ZNF521: variants seen among roughly 807,000 people sequenced by gnomAD.
The protein encoded by ZNF521 is zinc finger protein 521, also known as LYST-interacting protein 3.
A neutral mutation model predicts 105.5 loss-of-function variants in ZNF521; 14 were observed. That is an observed-to-expected ratio of 0.13 (90% confidence interval 0.09 to 0.21). The LOEUF (loss-of-function observed/expected upper bound fraction) is 0.21, where lower values mean the gene tolerates loss of function less well. Among genes scored for constraint, ZNF521 ranks in the 10% least tolerant of loss-of-function variants. The probability of loss-of-function intolerance (pLI) is 1.00; values close to 1 mark genes in which losing one functional copy is unlikely to be tolerated. For synonymous variants in ZNF521, 635 were observed against 606.0 expected (o/e 1.05, Z -0.70); for missense variants, 1,233 against 1,629.7 (o/e 0.76, Z 4.19).
chr18:25,190,038 T>C (rs1440627943), intron 5 of ZNF521, among the ~76,000 whole-genome samples: 1 of 152,182 alleles, frequency 6.6e-6, no homozygotes, highest in East Asian at 1.9e-4. Context: ...AAAGAGAAAG[T>C]ATCCCTTTTG....
chr18:25,241,612 A>G (rs1018535149), intron 3 of ZNF521, among the ~76,000 whole-genome samples: 3 of 152,170 alleles, frequency 2.0e-5, no homozygotes, highest in Non-Finnish European at 4.4e-5. Context: ...CCAAACCATA[A>G]AACTCTTCTA....
intron 3 of ZNF521, among the ~76,000 whole-genome samples, chr18:25,242,299 G>C (rs780996596): frequency 6.6e-6 from 1 of 152,094 alleles, no homozygotes; most frequent in Non-Finnish European, 1.5e-5. Flanking sequence ...ATTTTTCTGA[G>C]GTTCTCAAAC....
At chr18:25,176,215 C>T (rs2035532300) in intron 5 of ZNF521, among the ~76,000 whole-genome samples, 1 of 152,074 alleles carries the variant, frequency 6.6e-6, no homozygotes, top group Non-Finnish European at 1.5e-5. Flanking sequence ...CACAATAAAC[C>T]CCATAATGCA....
rs146058536 is a variant in ZNF521 at position 25,139,407 on chromosome 18, A to ATAAGCCTT, written c.3659-47334_3659-47327dup. Among the ~76,000 whole-genome samples, 1,366 of 142,856 alleles carry ATAAGCCTT rather than the reference A, an allele frequency of 9.6e-3. 24 individuals carry two copies. The highest frequency in any genetic ancestry group is 0.033 in the African/African-American group (1,299 of 38,786). 93.7% of individuals were successfully genotyped at this position (142,856 alleles called of 152,430 possible). ...AAAAAAAAAAAAAAAAAAAAAGACA[A>ATAAGCCTT]TAAGCCTTTAAGAGCAAAGGAATCT... On this transcript the variant is annotated intron_variant, in intron 5 of 7. Coordinates refer to ENST00000361524, the MANE Select transcript of ZNF521 (RefSeq NM_015461.3).
chr18:25,133,433 C>G (rs1410215476), intron 5 of ZNF521, among the ~76,000 whole-genome samples: 1 of 152,126 alleles, frequency 6.6e-6, no homozygotes, highest in Non-Finnish European at 1.5e-5. Context: ...CAAGAAGTAA[C>G]AATCTGTGAC....
chr18:25,339,549 T>C (rs915302353), intron 2 of ZNF521, among the ~76,000 whole-genome samples: 1 of 152,244 alleles, frequency 6.6e-6, no homozygotes, highest in Non-Finnish European at 1.5e-5. Context: ...ATAGACAATA[T>C]GTCTCCTTCA....
At chr18:25,216,572 T>C (rs1051704093) in intron 4 of ZNF521, among the ~76,000 whole-genome samples, 4 of 152,220 alleles carry the variant, frequency 2.6e-5, no homozygotes. Context: ...AGGGCTTTTT[T>C]CCTTGATACA....
chr18:25,211,327 T>C (rs2036175290), intron 4 of ZNF521, among the ~76,000 whole-genome samples: 1 of 152,202 alleles, frequency 6.6e-6, no homozygotes. Flanking sequence ...TTTTTGTTTT[T>C]ATGTTAAAGA....
At chr18:25,072,693 G>A (rs1567948944) in intron 7 of ZNF521, among the ~76,000 whole-genome samples, 1 of 152,158 alleles carries the variant, frequency 6.6e-6, no homozygotes, top group Non-Finnish European at 1.5e-5. Context: ...ACTATATAAA[G>A]CCAGCACCAG....
At chr18:25,291,941 A>AG (rs1911055198) in intron 3 of ZNF521, among the ~76,000 whole-genome samples, 1 of 152,206 alleles carries the variant, frequency 6.6e-6, no homozygotes, top group Non-Finnish European at 1.5e-5. Context: ...CAAGAAAAAA[A>AG]AAAATCATCT....
intron 3 of ZNF521, among the ~76,000 whole-genome samples, chr18:25,258,169 G>T (rs1365412914): frequency 6.6e-6 from 1 of 152,136 alleles, no homozygotes; most frequent in East Asian, 1.9e-4. Flanking sequence ...ACCACTTCCT[G>T]TTCGTTACCT....
intron 5 of ZNF521, among the ~76,000 whole-genome samples, chr18:25,177,985 T>G (rs990988486): frequency 2.0e-5 from 3 of 152,200 alleles, no homozygotes; most frequent in Non-Finnish European, 4.4e-5. Context: ...TAAAAAAGTA[T>G]TAACATAAAA....
At chr18:25,120,587 A>C (rs12965507) in intron 5 of ZNF521, among the ~76,000 whole-genome samples, 5,279 of 15,586 alleles carry the variant, frequency 0.34, 342 homozygotes, top group African/African-American at 0.44. Context: ...CCATCTAAAA[A>C]AAAAAAAAAA....
intron 7 of ZNF521, among the ~76,000 whole-genome samples, chr18:25,071,889 C>A (rs550907738): frequency 1.3e-5 from 2 of 151,946 alleles, no homozygotes; most frequent in South Asian, 4.2e-4. Flanking sequence ...ATGCCTGGTG[C>A]GGGAGAGATG....
At chr18:25,214,156 T>C (rs1239764674) in intron 4 of ZNF521, among the ~76,000 whole-genome samples, 1 of 152,152 alleles carries the variant, frequency 6.6e-6, no homozygotes, top group Non-Finnish European at 1.5e-5. Flanking sequence ...ACTCTGACTT[T>C]GATCATCACA....
chr18:25,075,809 A>G (rs2033347999), intron 7 of ZNF521, among the ~76,000 whole-genome samples: 1 of 152,174 alleles, frequency 6.6e-6, no homozygotes, highest in African/African-American at 2.4e-5. Context: ...ACATCCTAAA[A>G]CATATGCTTT....
chr18:25,143,997 C>T (rs1420909356), intron 5 of ZNF521, among the ~76,000 whole-genome samples: 1 of 152,100 alleles, frequency 6.6e-6, no homozygotes, highest in Non-Finnish European at 1.5e-5. Flanking sequence ...CTCTGTCTCT[C>T]TTGTTTTTCT....
chr18:25,119,315 T>A (rs1327752614), intron 5 of ZNF521, among the ~76,000 whole-genome samples: 8 of 152,140 alleles, frequency 5.3e-5, no homozygotes, highest in African/African-American at 1.9e-4. Context: ...CTCAACCACC[T>A]TGACCTAACT....
At chr18:25,300,337 C>T (rs190355383) in intron 3 of ZNF521, among the ~76,000 whole-genome samples, 6 of 152,276 alleles carry the variant, frequency 3.9e-5, no homozygotes, top group Admixed American at 2.6e-4. Flanking sequence ...TAGCTACTAA[C>T]TTTCATAACC....
Sources: gnomAD v4.1 joint callset for allele counts (sites outside exome capture counted in the v4.1 genomes callset) on GRCh38, gnomAD v4.1.1 for gene constraint, MANE v1.5 for transcripts, NCBI Gene and HGNC (gene_info 2026-07-23, HGNC 2026-07-21) for gene names.